Variants in PRSS23 observed in about 807,000 individuals in gnomAD.
PRSS23 encodes the protein serine protease 23.
Under a neutral mutation model 34.7 loss-of-function variants are expected in PRSS23, and 25 were observed. That is an observed-to-expected ratio of 0.72 (90% CI 0.53 to 1.01). The LOEUF (loss-of-function observed/expected upper bound fraction) is 1.01, where lower values mean the gene tolerates loss of function less well. PRSS23 is among the 50% of genes least tolerant of loss of function. The pLI is 0.00. For synonymous variants in PRSS23, 176 were observed against 186.6 expected (o/e 0.94, Z 0.46); for missense variants, 445 against 475.6 (o/e 0.94, Z 0.60).
At chr11:86,943,034 A>G (rs1264047369) in intron 2 of PRSS23, among the ~76,000 whole-genome samples, 2 of 152,234 alleles carry the variant, frequency 1.3e-5, no homozygotes, top group African/African-American at 4.8e-5. Context: ...AGAAAAAATC[A>G]GTTCTCAGGA....
At chr11:86,833,962 G>A (rs1177682202) in intron 2 of PRSS23, among the ~76,000 whole-genome samples, 1 of 152,214 alleles carries the variant, frequency 6.6e-6, no homozygotes, top group Non-Finnish European at 1.5e-5. Context: ...ATCAGAGCAT[G>A]TGCTAGCAGG....
chr11:86,864,002 A>G (rs753758955), intron 2 of PRSS23, among the ~76,000 whole-genome samples: 1 of 152,216 alleles, frequency 6.6e-6, no homozygotes, highest in Non-Finnish European at 1.5e-5. Context: ...GTGTAATCAT[A>G]TAATAATCAC....
intron 2 of PRSS23, among the ~76,000 whole-genome samples, chr11:86,861,501 G>A (rs1489514325): frequency 6.6e-6 from 1 of 151,798 alleles, no homozygotes; most frequent in Non-Finnish European, 1.5e-5. Flanking sequence ...ATCGCAGAAG[G>A]TGTACACGCC....
intron 1 of PRSS23, among the ~76,000 whole-genome samples, chr11:86,805,462 G>A (rs939688858): frequency 2.6e-5 from 4 of 152,086 alleles, no homozygotes; most frequent in South Asian, 2.1e-4. Flanking sequence ...GCACATATGC[G>A]GGCACCCCAT....
intron 1 of PRSS23, among the ~76,000 whole-genome samples, chr11:86,822,489 A>G (rs1347155897): frequency 1.3e-5 from 2 of 151,946 alleles, no homozygotes; most frequent in African/African-American, 4.8e-5. Context: ...GGTGCAGTGA[A>G]GTGTGCCTAT....
chr11:86,859,500 CA>C (rs1391366397), intron 2 of PRSS23, among the ~76,000 whole-genome samples: 2 of 151,872 alleles, frequency 1.3e-5, no homozygotes, highest in African/African-American at 4.8e-5. Context: ...TCCTAATATC[CA>C]GGGGGAGAGT....
chr11:86,887,850 G>A (rs556831568), intron 2 of PRSS23, among the ~76,000 whole-genome samples: 22 of 152,142 alleles, frequency 1.4e-4, no homozygotes, highest in African/African-American at 1.4e-4. Flanking sequence ...TCAGGCGTTC[G>A]AGACCAGCCT....
At chr11:86,869,490 A>G (rs12286990) in intron 2 of PRSS23, among the ~76,000 whole-genome samples, 1,557 of 152,282 alleles carry the variant, frequency 0.01, 32 homozygotes, top group African/African-American at 0.036. Flanking sequence ...CTAATGAGAG[A>G]GGCAAACAAT....
chr11:86,804,012 G>A (rs35322327), intron 1 of PRSS23, among the ~76,000 whole-genome samples: 10,841 of 152,054 alleles, frequency 0.071, 434 homozygotes, highest in Middle Eastern at 0.11. Context: ...AGTCAGCATC[G>A]TCCCTGACCT....
At chr11:86,909,394 C>G (rs529244992) in intron 2 of PRSS23, 1 of 152,364 alleles carries the variant, frequency 6.6e-6, no homozygotes, top group African/African-American at 2.4e-5. Flanking sequence ...GTTTGTGAGC[C>G]ACCTTGGAGT....
chr11:86,849,728 C>G (rs1160437780), intron 2 of PRSS23, among the ~76,000 whole-genome samples: 1 of 152,156 alleles, frequency 6.6e-6, no homozygotes, highest in Admixed American at 6.5e-5. Context: ...TCCTTTATAT[C>G]CTGCTGTACC....
intron 2 of PRSS23, among the ~76,000 whole-genome samples, chr11:86,851,532 A>C (rs1948529384): frequency 6.6e-6 from 1 of 152,228 alleles, no homozygotes; most frequent in South Asian, 2.1e-4. Context: ...ATGCAGGGAG[A>C]GGACTGGCCA....
At chr11:86,801,635 T>C (rs1213334280) in intron 1 of PRSS23, among the ~76,000 whole-genome samples, 3 of 152,214 alleles carry the variant, frequency 2.0e-5, no homozygotes, top group African/African-American at 7.2e-5. Context: ...TGAGGTCAGC[T>C]GTGGTCAAAA....
At chr11:86,952,631 G>T (rs1949304611) in exon 3 of PRSS23, 1 of 690,666 alleles carries the variant, frequency 1.4e-6, no homozygotes, top group Non-Finnish European at 2.5e-6. Context: ...CTCAAACAAG[G>T]GCGCCTGATA....
intron 2 of PRSS23, among the ~76,000 whole-genome samples, chr11:86,900,936 C>A (rs11604559): frequency 0.039 from 5,923 of 152,018 alleles, 143 homozygotes; most frequent in Non-Finnish European, 0.054. Flanking sequence ...AGGCACCCAC[C>A]ACCACACCTA....
intron 2 of PRSS23, chr11:86,934,176 A>T (rs1450680298): frequency 6.6e-6 from 1 of 152,214 alleles, no homozygotes; most frequent in African/African-American, 2.4e-5. Context: ...GCAAATCATC[A>T]TGAGAGCCAA....
intron 1 of PRSS23, chr11:86,791,254 C>T (rs529604132): frequency 1.3e-5 from 2 of 152,444 alleles, no homozygotes; most frequent in African/African-American, 4.8e-5. Flanking sequence ...CCAGCACAGC[C>T]CTGGAAGGGC....
rs61221322 is a variant in PRSS23, at chr11:86,862,084, G to A, written c.206+38491G>A. On this transcript the variant is annotated intron_variant, in intron 2 of 2. Transcript: ENST00000533902. ...TGGAAGGGAGAGGATAATATTACTCGCAATATCGCAGGGGGTGTACACCCC... is the reference window on the plus strand; with the variant it reads ...TGGAAGGGAGAGGATAATATTACTCACAATATCGCAGGGGGTGTACACCCC... 5.3e-5 allele frequency among the ~76,000 whole-genome samples: 8 copies of A among 151,226 alleles called. No homozygotes were observed. In the East Asian group the frequency reaches 7.9e-4, roughly 15 times the overall value.
intron 2 of PRSS23, among the ~76,000 whole-genome samples, chr11:86,862,032 C>A (rs938878879): frequency 1.3e-5 from 2 of 151,760 alleles, no homozygotes; most frequent in Admixed American, 6.6e-5. Context: ...GGGGTGTACA[C>A]CCCCTTGTGG....
Sources: gnomAD v4.1 joint callset for allele counts (sites outside exome capture counted in the v4.1 genomes callset) on GRCh38, gnomAD v4.1.1 for gene constraint, MANE v1.5 for transcripts, NCBI Gene and HGNC (gene_info 2026-07-23, HGNC 2026-07-21) for gene names.